Variants in HNF1B observed in about 807,000 individuals in gnomAD.
The protein encoded by HNF1B is hepatocyte nuclear factor 1-beta.
HNF1B carries 8 observed loss-of-function variants against 61.7 expected under a neutral mutation model. That is an observed-to-expected ratio of 0.13 (90% CI 0.08 to 0.23). HNF1B has a LOEUF of 0.23. Among genes scored for constraint, HNF1B ranks in the 10% least tolerant of loss-of-function variants. HNF1B has a pLI of 1.00. For synonymous variants in HNF1B, 314 were observed against 287.7 expected (o/e 1.09, Z -0.93); for missense variants, 562 against 714.5 (o/e 0.79, Z 2.43).
intron 4 of HNF1B, among the ~76,000 whole-genome samples, chr17:37,716,858 C>A (rs72830486): frequency 6.7e-6 from 1 of 148,468 alleles, no homozygotes. Context: ...CTCTCTCTCT[C>A]TCTCTCTCTC....
intron 1 of HNF1B, among the ~76,000 whole-genome samples, chr17:37,741,128 A>C (rs191989139): frequency 6.6e-6 from 1 of 152,352 alleles, no homozygotes; most frequent in East Asian, 1.9e-4. Context: ...CAGGTGAAAC[A>C]AAAAAGAAAA....
chr17:37,733,619 G>A lies in HNF1B; in HGVS notation c.747C>T (p.Ala249=). The change falls in exon 3 of 9, where the codon GCC becomes GCT. Residue 249 remains alanine (A), a synonymous_variant. Transcript: ENST00000617811. Reference sequence around the variant, plus strand: ...TGCTGGGGTTCTTTTGCCGATCGTAGGCCTGGTACAAGATTTGCTGGGACG... The same window carrying A: ...TGCTGGGGTTCTTTTGCCGATCGTAAGCCTGGTACAAGATTTGCTGGGACG... ...GPASQQILYQ[A]YDRQKNPSKE... The A allele has an allele frequency of 2.5e-6, 4 of 1,614,156 alleles. No homozygotes were observed. The Middle Eastern group carries it at 4.9e-4, about 200-fold the overall frequency.
At chr17:37,687,577 A>G (rs2032021560) in intron 8 of HNF1B, among the ~76,000 whole-genome samples, 185 bp from the exon 9 acceptor site, 2 of 152,114 alleles carry the variant, frequency 1.3e-5, no homozygotes, top group Admixed American at 6.5e-5. Flanking sequence ...CCTGCAGGAA[A>G]ACCCGGGAGC....
chr17:37,716,842 A>ATCTCTCTCTCTCTCTCTCTC (rs55634127), intron 4 of HNF1B, among the ~76,000 whole-genome samples: 17 of 131,288 alleles, frequency 1.3e-4, no homozygotes, highest in African/African-American at 4.8e-4. Flanking sequence ...CACTTTAACA[A>ATCTCTCTCTCTCTCTCTCTC]TCTCTCTCTC....
intron 8 of HNF1B, among the ~76,000 whole-genome samples, chr17:37,689,940 A>C (rs1269631479): frequency 6.6e-6 from 1 of 151,996 alleles, no homozygotes; most frequent in African/African-American, 2.4e-5. Context: ...CACCCTGCCC[A>C]CTTCTTCACA....
At chr17:37,742,767 T>G (rs1191402200) in intron 1 of HNF1B, among the ~76,000 whole-genome samples, 2 of 150,964 alleles carry the variant, frequency 1.3e-5, no homozygotes, top group Non-Finnish European at 3.0e-5. Context: ...CCTGCGGGTG[T>G]CGGCGACCCG....
intron 8 of HNF1B, among the ~76,000 whole-genome samples, chr17:37,688,400 C>T (rs1411676555): frequency 6.6e-6 from 1 of 151,712 alleles, no homozygotes; most frequent in Non-Finnish European, 1.5e-5. Context: ...CACACACACA[C>T]ACACACACAC....
intron 8 of HNF1B, among the ~76,000 whole-genome samples, chr17:37,689,850 TC>T (rs1181853854): frequency 1.3e-5 from 2 of 152,258 alleles, no homozygotes; most frequent in Non-Finnish European, 2.9e-5. Context: ...TAGGTGATTA[TC>T]GTGAATTCAT....
rs192816910 is a variant in HNF1B at position 37,697,424 on chromosome 17, G to T, written c.1653+1652C>A. On this transcript the variant is annotated intron_variant, in intron 8 of 8. Transcript: ENST00000617811. Reference sequence around the variant, plus strand: ...TGTCCAATGGAGAGGAGAAGCCAGTGGGGGGCTGGTGCAGCGTCTCAGGGA... The same window carrying T: ...TGTCCAATGGAGAGGAGAAGCCAGTTGGGGGCTGGTGCAGCGTCTCAGGGA... 1.3e-3 allele frequency among the ~76,000 whole-genome samples: 191 copies of T among 151,884 alleles called. 1 individual carries two copies. In the Middle Eastern group the frequency reaches 0.014, roughly 11 times the overall value.
chr17:37,744,765 C>A lies in HNF1B; in HGVS notation c.120G>T (p.Gly40=), dbSNP rs1313687387. 1.2e-6 allele frequency: 2 copies of A among 1,613,634 alleles called. No individual in the cohort carries two copies. The highest frequency in any genetic ancestry group is 3.3e-5 in the Admixed American group (2 of 60,032). ...ACAGGGGCAGCGTCTCCAGCTTCAC[C>A]CCGAAGTTCGGGGATGGCAGCAACT... is the stretch of plus-strand genomic sequence containing the variant. ...LEELLPSPNF[G]VKLETLPLSP... The change falls in exon 1 of 9, where the codon GGG becomes GGT. Residue 40 remains glycine (G), a synonymous_variant. Transcript: ENST00000617811.
chr17:37,744,724 G>A lies in HNF1B; in HGVS notation c.161C>T (p.Ala54Val). The change falls in exon 1 of 9, where the codon GCC becomes GTC. Residue 54 changes from alanine to valine, a missense_variant. Physicochemically the swap from Ala to Val is moderately conservative, Grantham distance 64. This residue lies in a region of HNF1B where 148 missense variants were observed against 147.3 expected (regional missense o/e 1.00). Coordinates refer to ENST00000617811, the MANE Select transcript of HNF1B (RefSeq NM_000458.4). ...ETLPLSPGSG[A>V]EPDTKPVFHT... is the part of the protein sequence containing the mutation. ...GAAGACCGGCTTGGTGTCGGGCTCG[G>A]CCCCGCTGCCAGGGGACAGGGGCAG... The A allele has an allele frequency of 1.2e-6, 2 of 1,613,404 alleles. No homozygotes were observed. Among genetic ancestry groups the A allele is most frequent in the Non-Finnish European group, 1.7e-6 (2 of 1,180,038 alleles).
intron 4 of HNF1B, among the ~76,000 whole-genome samples, chr17:37,720,282 T>C (rs544034174): frequency 6.6e-6 from 1 of 152,242 alleles, no homozygotes; most frequent in East Asian, 1.9e-4. Flanking sequence ...GATTTTAAAA[T>C]GAATGAAAGT....
intron 1 of HNF1B, among the ~76,000 whole-genome samples, chr17:37,741,598 T>C (rs917017137): frequency 6.6e-6 from 1 of 152,256 alleles, no homozygotes; most frequent in Non-Finnish European, 1.5e-5. Flanking sequence ...TTTCCACCGA[T>C]ATTTTTAGGA....
At position 37,705,049 on chromosome 17, in the gene HNF1B, T is replaced by A. The variant is rs747110790; in HGVS notation, c.1207A>T (p.Ile403Phe). Reference protein sequence around the residue: ...HNLLSPDGKMISVSGGGLPPV... With the variant: ...HNLLSPDGKMFSVSGGGLPPV... Reference sequence around the variant, plus strand: ...GGCAAACCTCCTCCTGAGACTGAGATCTGATGGAGAGAAAAAAACAAGAGA... The same window carrying A: ...GGCAAACCTCCTCCTGAGACTGAGAACTGATGGAGAGAAAAAAACAAGAGA... The change falls in exon 6 of 9, where the codon ATC (isoleucine) becomes TTC (phenylalanine). Residue 403 changes from isoleucine (I) to phenylalanine (F), a missense_variant and splice_region_variant. Around this residue, in one of 6 missense-constraint regions of HNF1B, gnomAD observed 211 missense variants for 200.7 expected, o/e 1.05. Transcript: ENST00000617811. 3.2e-5 allele frequency: 51 copies of A among 1,613,426 alleles called. No homozygotes were observed. Among genetic ancestry groups the A allele is most frequent in the Non-Finnish European group, 4.2e-5 (49 of 1,179,648 alleles).
In HNF1B at chr17:37,709,942, G is replaced by A. The variant is rs747735853; in HGVS notation, c.1206+561C>T. On this transcript the variant is annotated intron_variant, in intron 5 of 8. Transcript: ENST00000617811. ...TGGTGTTTCTCCCTCCCTAAGCATC[G>A]CCCCACCCCATCTACCATTTGTGCT... 2.0e-3 allele frequency among the ~76,000 whole-genome samples: 304 copies of A among 152,204 alleles called. 1 individual carries two copies. Among genetic ancestry groups the A allele is most frequent in the Non-Finnish European group, 3.2e-3 (218 of 68,020 alleles).
At chr17:37,688,817 C>T (rs1435283935) in intron 8 of HNF1B, among the ~76,000 whole-genome samples, 1 of 152,156 alleles carries the variant, frequency 6.6e-6, no homozygotes, top group Non-Finnish European at 1.5e-5. Flanking sequence ...TGGGGTTCTT[C>T]GGCCCAAGCC....
chr17:37,744,706 G>C lies in HNF1B; in HGVS notation c.179C>G (p.Pro60Arg), dbSNP rs778234238. The C allele has an allele frequency of 6.8e-5, 110 of 1,613,370 alleles. No individual in the cohort carries two copies. Among genetic ancestry groups the C allele is most frequent in the Non-Finnish European group, 9.3e-5 (110 of 1,180,056 alleles). ...PGSGAEPDTKPVFHTLTNGHA... is the reference protein window; with the variant it reads ...PGSGAEPDTKRVFHTLTNGHA... ...GCCGTTGGTGAGAGTATGGAAGACCGGCTTGGTGTCGGGCTCGGCCCCGCT... is the reference window on the plus strand; with the variant it reads ...GCCGTTGGTGAGAGTATGGAAGACCCGCTTGGTGTCGGGCTCGGCCCCGCT... The change falls in exon 1 of 9, where the codon CCG becomes CGG. Residue 60 changes from proline to arginine, a missense_variant. This residue lies in a region of HNF1B where 148 missense variants were observed against 147.3 expected (regional missense o/e 1.00). Coordinates refer to ENST00000617811, the MANE Select transcript of HNF1B (RefSeq NM_000458.4).
chr17:37,742,712 G>A (rs911887954), intron 1 of HNF1B, among the ~76,000 whole-genome samples: 7 of 151,908 alleles, frequency 4.6e-5, no homozygotes, highest in Non-Finnish European at 7.4e-5. Context: ...GAGCGGGGCT[G>A]GGGTCTAAGG....
chr17:37,697,716 C>A (rs1049438959), intron 8 of HNF1B, among the ~76,000 whole-genome samples: 1 of 152,100 alleles, frequency 6.6e-6, no homozygotes, highest in African/African-American at 2.4e-5. Context: ...GGAACTCGCA[C>A]GGGAGTCGAA....
Sources: allele counts gnomAD v4.1 joint callset (sites outside exome capture counted in the v4.1 genomes callset), GRCh38; gene constraint gnomAD v4.1.1; regional missense constraint gnomAD v4.1.1; transcripts MANE v1.5; gene names NCBI Gene and HGNC (gene_info 2026-07-23, HGNC 2026-07-21).